Variants in PTPRU observed in about 807,000 individuals in gnomAD.
PTPRU encodes protein tyrosine phosphatase receptor type U, also known as receptor-type tyrosine-protein phosphatase U.
PTPRU carries 69 observed loss-of-function variants against 166.3 expected under a neutral mutation model. The ratio of observed to expected loss-of-function variants is 0.41; its 90% CI spans 0.34 to 0.51. PTPRU has a LOEUF of 0.51. Among genes scored for constraint, PTPRU ranks in the 20% least tolerant of loss-of-function variants. The pLI, the probability that PTPRU is intolerant of heterozygous loss-of-function variation, is 0.09. For missense variants in PTPRU, 1,657 were observed against 2,013.7 expected (o/e 0.82, Z 3.39); for synonymous variants, 793 against 814.0 (o/e 0.97, Z 0.44).
Position 29,275,609 on chromosome 1 carries a change from C to G in PTPRU, c.1306C>G (p.Arg436Gly), listed in dbSNP as rs748214576. ...GGGCAGCAGCCACAACCAGACCATC[C>G]GAGAGTGTGTGAAGACAGAGCAAGG... is the stretch of plus-strand genomic sequence containing the variant. ...TLGSSHNQTI[R>G]ECVKTEQGVS... is the part of the protein sequence containing the mutation. The change falls in exon 8 of 30, where the codon CGA (arginine) becomes GGA (glycine). Residue 436 changes from arginine (R) to glycine (G), a missense_variant. Transcript: ENST00000373779. 5 of 1,614,164 alleles carry G rather than the reference C, an allele frequency of 3.1e-6. No homozygotes were observed. Among genetic ancestry groups the G allele is most frequent in the Middle Eastern group, 1.6e-4 (1 of 6,062 alleles).
chr1:29,260,207 G>A lies in PTPRU; in HGVS notation c.850+163G>A. The A allele has an allele frequency of 4.8e-6, 4 of 825,298 alleles. No homozygotes were observed. Among genetic ancestry groups the A allele is most frequent in the Non-Finnish European group, 6.8e-6 (4 of 586,176 alleles). 51.1% of individuals were successfully genotyped at this position (825,298 alleles called of 1,614,324 possible). On this transcript the variant is annotated intron_variant, in intron 6 of 29. Transcript: ENST00000373779. The surrounding 1 kb of genome is among the most constrained non-coding windows in gnomAD (Gnocchi z 8.3). Reference sequence around the variant, plus strand: ...GGCCTGTGGAAATGGCAGTGGCCCAGCCGGGATGAGATCTGATCTAGGGGT... The same window carrying A: ...GGCCTGTGGAAATGGCAGTGGCCCAACCGGGATGAGATCTGATCTAGGGGT...
At chr1:29,252,958 C>T (rs1452238310) in intron 1 of PTPRU, among the ~76,000 whole-genome samples, 1 of 152,228 alleles carries the variant, frequency 6.6e-6, no homozygotes, top group African/African-American at 2.4e-5. Context: ...ACTGCCTCCT[C>T]CTCCAGACAC....
At chr1:29,264,292 T>C (rs868247220) in intron 7 of PTPRU, among the ~76,000 whole-genome samples, 3 of 152,238 alleles carry the variant, frequency 2.0e-5, no homozygotes, top group Non-Finnish European at 4.4e-5. Context: ...TAGTTTTTTT[T>C]TGAAGCACGA....
intron 26 of PTPRU, chr1:29,323,071 G>GATCTCGGTGGTCGCCGTATCATTAAAA: frequency 3.1e-6 from 1 of 319,974 alleles, no homozygotes; most frequent in Non-Finnish European, 6.1e-6. Flanking sequence ...AGGAGCGTGT[G>GATCTCGGTGGTCGCCGTATCATTAAAA]AACCGGTTAA....
chr1:29,291,269 C>T lies in PTPRU; in HGVS notation c.2319-600C>T, dbSNP rs1346158278. On this transcript the variant is annotated intron_variant, in intron 14 of 29. Transcript: ENST00000373779. The surrounding 1 kb of genome is among the most constrained non-coding windows in gnomAD (Gnocchi z 4.1). ...GTCTATGCTGGGACCATCCTAGGTGCTACTGGGAGTAGGGAGAAGCCAAGG... is the reference window on the plus strand; with the variant it reads ...GTCTATGCTGGGACCATCCTAGGTGTTACTGGGAGTAGGGAGAAGCCAAGG... Among the ~76,000 whole-genome samples, 1 of 152,136 alleles carries T rather than the reference C, an allele frequency of 6.6e-6. No homozygotes were observed. Among genetic ancestry groups the T allele is most frequent in the African/African-American group, 2.4e-5 (1 of 41,426 alleles).
chr1:29,317,684 G>T lies in PTPRU; in HGVS notation c.3514-64G>T. ...GTAACTCAGTCCAGCCTCCTTCATG[G>T]GGATGTGAGGAGGCCCAGCAAGCCC... On this transcript the variant is annotated intron_variant, in intron 24 of 29. Transcript: ENST00000373779. The surrounding 1 kb of genome is among the most constrained non-coding windows in gnomAD (Gnocchi z 5.6). The T allele has an allele frequency of 6.8e-7, 1 of 1,473,970 alleles. No homozygotes were observed. Among genetic ancestry groups the T allele is most frequent in the South Asian group, 1.2e-5 (1 of 80,006 alleles). 91.3% of individuals were successfully genotyped at this position (1,473,970 alleles called of 1,614,324 possible).
At chr1:29,284,983 G>C (rs1686277202) in intron 14 of PTPRU, 114 bp downstream of exon 14, 1 of 1,379,046 alleles carries the variant, frequency 7.3e-7, no homozygotes, top group Non-Finnish European at 9.8e-7. Flanking sequence ...GGTGTGTGGA[G>C]GGCTGCCAGC....
chr1:29,251,056 A>T (rs1450441767), intron 1 of PTPRU, among the ~76,000 whole-genome samples: 1 of 152,236 alleles, frequency 6.6e-6, no homozygotes, highest in African/African-American at 2.4e-5. Flanking sequence ...GTTTGAGACC[A>T]GCCTGGCCAG....
chr1:29,258,869 G>A (rs973500935), intron 3 of PTPRU, 93 bp downstream of exon 3: 2 of 1,485,774 alleles, frequency 1.3e-6, no homozygotes, highest in Admixed American at 2.3e-5. Flanking sequence ...GCTGAAGTTA[G>A]AATGTGTCTG....
chr1:29,250,347 G>A (rs572476418), intron 1 of PTPRU, among the ~76,000 whole-genome samples: 2 of 152,280 alleles, frequency 1.3e-5, no homozygotes, highest in South Asian at 4.1e-4. Context: ...AACACTTATG[G>A]CCAGCAGAAG....
At chr1:29,316,748 C>T (rs1165264862) in intron 24 of PTPRU, among the ~76,000 whole-genome samples, 1 of 152,170 alleles carries the variant, frequency 6.6e-6, no homozygotes, top group East Asian at 1.9e-4. Context: ...GCGCTTGCTG[C>T]TCCCAGCATC....
Position 29,260,740 on chromosome 1 carries a change from G to T in PTPRU, c.981G>T (p.Ala327=), listed in dbSNP as rs202200992. ...IVRKEIEYRM[A]RGPWAEVHAV... ...GCAAGGAGATTGAGTACCGCATGGC[G>T]CGCGGGCCCTGGGCTGAGGTGCACG... The change falls in exon 7 of 30, where the codon GCG becomes GCT. Residue 327 remains alanine, a synonymous_variant. Transcript: ENST00000373779. This position sits in a 1 kb window ranked among gnomAD's most constrained non-coding sequence, Gnocchi z 8.3. The T allele has an allele frequency of 7.5e-6, 12 of 1,610,534 alleles. No individual in the cohort carries two copies. In the African/African-American group the frequency reaches 1.5e-4, roughly 20 times the overall value.
At chr1:29,289,560 C>T in intron 14 of PTPRU, 1 of 1,177,606 alleles carries the variant, frequency 8.5e-7, no homozygotes, top group African/African-American at 1.5e-5. Flanking sequence ...AGTCCCTGGC[C>T]AGCCCCCTCC....
At chr1:29,282,323 G>A (rs573633988) in intron 11 of PTPRU, among the ~76,000 whole-genome samples, 37 of 152,320 alleles carry the variant, frequency 2.4e-4, no homozygotes, top group African/African-American at 8.7e-4. Context: ...ACACACAGGA[G>A]GACTCATGGA....
chr1:29,322,554 G>T (rs377375432), intron 26 of PTPRU, among the ~76,000 whole-genome samples: 2 of 152,246 alleles, frequency 1.3e-5, no homozygotes, highest in African/African-American at 4.8e-5. Context: ...GGTTCTGAAC[G>T]CACAGGGTTG....
chr1:29,272,269 G>C (rs1219883821), intron 7 of PTPRU, among the ~76,000 whole-genome samples: 1 of 152,230 alleles, frequency 6.6e-6, no homozygotes, highest in Non-Finnish European at 1.5e-5. Context: ...CCAGGATACA[G>C]GGAGCAGTGG....
Position 29,315,268 on chromosome 1 carries a change from C to A in PTPRU, c.3228-104C>A. On this transcript the variant is annotated intron_variant, in intron 22 of 29. Coordinates refer to ENST00000373779, the MANE Select transcript of PTPRU (RefSeq NM_133178.4). The surrounding 1 kb of genome is among the most constrained non-coding windows in gnomAD (Gnocchi z 4.5). ...GGGCAGTCATCTCTGTGTCCGTGTCCCCTGTATGGTGTAGACATGGCCAGT... is the reference window on the plus strand; with the variant it reads ...GGGCAGTCATCTCTGTGTCCGTGTCACCTGTATGGTGTAGACATGGCCAGT... 7.0e-7 allele frequency: 1 copy of A among 1,431,596 alleles called. No homozygotes were observed. Among genetic ancestry groups the A allele is most frequent in the Non-Finnish European group, 9.6e-7 (1 of 1,038,156 alleles). The allele number at this position is 1,431,596 out of a possible 1,614,324, so 88.7% of individuals were successfully genotyped here.
At chr1:29,246,644 C>T (rs544742245) in intron 1 of PTPRU, among the ~76,000 whole-genome samples, 4 of 151,570 alleles carry the variant, frequency 2.6e-5, no homozygotes, top group Admixed American at 6.6e-5. Context: ...AAGATGGAAT[C>T]TCACTCTGTT....
chr1:29,261,126 A>G (rs938325578), intron 7 of PTPRU, among the ~76,000 whole-genome samples: 2 of 152,226 alleles, frequency 1.3e-5, no homozygotes, highest in African/African-American at 2.4e-5. Flanking sequence ...ATATTTATAG[A>G]TTTAAAACTT....
Sources: gnomAD v4.1 joint callset for allele counts (sites outside exome capture counted in the v4.1 genomes callset) on GRCh38, gnomAD v4.1.1 for gene constraint, Gnocchi (gnomAD v3.1) non-coding constraint, MANE v1.5 for transcripts, NCBI Gene and HGNC (gene_info 2026-07-23, HGNC 2026-07-21) for gene names.